PRG3: variants seen among roughly 807,000 people sequenced by gnomAD.
The protein encoded by PRG3 is proteoglycan 3, pro eosinophil major basic protein 2.
PRG3 carries 25 observed loss-of-function variants against 26.1 expected under a neutral mutation model. The ratio of observed to expected loss-of-function variants is 0.96; its 90% CI spans 0.70 to 1.34. PRG3 has a LOEUF of 1.34. Among genes scored for constraint, PRG3 ranks in the 40% most tolerant of loss-of-function variants. The probability of loss-of-function intolerance (pLI) is 0.00; values close to 1 mark genes in which losing one functional copy is unlikely to be tolerated. For missense variants in PRG3, 280 were observed against 264.8 expected, an observed-to-expected ratio of 1.06 and a Z score of -0.40; for synonymous variants, 111 against 100.4, an observed-to-expected ratio of 1.11 and a Z score of -0.63.
chr11:57,378,756 G>A lies in PRG3; in HGVS notation c.432C>T (p.Phe144=). 1 of 1,613,812 alleles carries A rather than the reference G, an allele frequency of 6.2e-7. No homozygotes were observed. Among genetic ancestry groups the A allele is most frequent in the Non-Finnish European group, 8.5e-7 (1 of 1,179,916 alleles). The part of the protein sequence containing the change: ...GNLVSIHDFN[F]NYRIQCCTST... The stretch of plus-strand genomic sequence containing the variant: ...TAGTGCAGCACTGAATGCGATAGTT[G>A]AAGTTGAAGTCATGGATAGAGACAA... Residue 144 remains phenylalanine (F), a synonymous_variant, in exon 4 of 6, where the codon TTC becomes TTT. Transcript: ENST00000287143.
chr11:57,379,999 C>T (rs1424538861), intron 2 of PRG3, among the ~76,000 whole-genome samples, 192 bp from the exon 3 acceptor site: 1 of 152,162 alleles, frequency 6.6e-6, no homozygotes, highest in African/African-American at 2.4e-5. Context: ...GACTTCTGGC[C>T]GACACCACGA....
In PRG3 at chr11:57,378,177, C is replaced by T. The variant is rs562213436; in HGVS notation, c.508-341G>A. 2.0e-5 allele frequency among the ~76,000 whole-genome samples: 3 copies of T among 152,260 alleles called. No individual in the cohort carries two copies. In the South Asian group the frequency reaches 6.2e-4, roughly 32 times the overall value. ...CTGATCTATGGACCATACTGCTGATCTATGGACCGTACCAAATATAATGCC... is the reference window on the plus strand; with the variant it reads ...CTGATCTATGGACCATACTGCTGATTTATGGACCGTACCAAATATAATGCC... On this transcript the variant is annotated intron_variant, in intron 4 of 5. Transcript: ENST00000287143.
chr11:57,378,668 G>A lies in PRG3; in HGVS notation c.507+13C>T. On this transcript the variant is annotated intron_variant, in intron 4 of 5. Coordinates refer to ENST00000287143, the MANE Select transcript of PRG3 (RefSeq NM_006093.4). ...AAGAACTTACTGCACCCAAGATTTG[G>A]CCCCTGACTTACCCAGCCCCTGAGG... 6.2e-7 allele frequency: 1 copy of A among 1,611,542 alleles called. No homozygotes were observed. The highest frequency in any genetic ancestry group is 1.1e-5 in the South Asian group (1 of 90,916).
intron 3 of PRG3, 116 bp downstream of exon 3, chr11:57,379,378 G>A (rs1207656123): frequency 9.3e-7 from 1 of 1,072,360 alleles, no homozygotes; most frequent in Non-Finnish European, 1.3e-6. Flanking sequence ...ACAACTCCAG[G>A]TGATTCTGAT....
At chr11:57,378,891 C>A in intron 3 of PRG3, 79 bp from the exon 4 acceptor site, 1 of 1,564,098 alleles carries the variant, frequency 6.4e-7, no homozygotes, top group South Asian at 1.1e-5. Flanking sequence ...CCCGGCATCC[C>A]TTTTCAGGTT....
chr11:57,380,242 A>C (rs1856985347), intron 2 of PRG3, among the ~76,000 whole-genome samples: 1 of 152,150 alleles, frequency 6.6e-6, no homozygotes, highest in South Asian at 2.1e-4. Flanking sequence ...TCTACTAAAA[A>C]TACAAAGATT....
intron 1 of PRG3, 129 bp from the exon 2 acceptor site, chr11:57,380,910 C>T (rs1856995160): frequency 4.5e-6 from 2 of 442,918 alleles, no homozygotes; most frequent in East Asian, 4.3e-5. Context: ...GGAGGGATAA[C>T]TCAGGTACCA....
At chr11:57,378,454 T>C (rs1020007176) in intron 4 of PRG3, among the ~76,000 whole-genome samples, 4 of 150,854 alleles carry the variant, frequency 2.7e-5, no homozygotes, top group African/African-American at 9.7e-5. Context: ...GTGTAAATAC[T>C]CCCACCATGG....
At chr11:57,379,462 A>G (rs761897593) in intron 3 of PRG3, 32 bp downstream of exon 3, 13 of 1,550,786 alleles carry the variant, frequency 8.4e-6, no homozygotes, top group Non-Finnish European at 1.1e-5. Flanking sequence ...CTTTTCCCCC[A>G]GGTCCTCCGC....
rs773570620 is a variant in PRG3 at position 57,378,671 on chromosome 11, C to A, written c.507+10G>T. 5.0e-6 allele frequency: 8 copies of A among 1,611,804 alleles called. No homozygotes were observed. Among genetic ancestry groups the A allele is most frequent in the Non-Finnish European group, 6.8e-6 (8 of 1,178,360 alleles). On this transcript the variant is annotated intron_variant, in intron 4 of 5. Coordinates refer to ENST00000287143, the MANE Select transcript of PRG3 (RefSeq NM_006093.4). ...AACTTACTGCACCCAAGATTTGGCC[C>A]CTGACTTACCCAGCCCCTGAGGTTG...
chr11:57,380,228 C>T (rs1425568675), intron 2 of PRG3, among the ~76,000 whole-genome samples: 1 of 152,010 alleles, frequency 6.6e-6, no homozygotes, highest in Non-Finnish European at 1.5e-5. Context: ...GGTGAAACCC[C>T]ATCTCTACTA....
intron 4 of PRG3, 21 bp from the exon 5 acceptor site, chr11:57,377,857 G>A: frequency 1.3e-6 from 2 of 1,592,004 alleles, no homozygotes; most frequent in Non-Finnish European, 1.7e-6. Flanking sequence ...GACAGGCTAG[G>A]TCAGAGGGCA....
At chr11:57,380,275 C>T (rs2134464811) in intron 2 of PRG3, among the ~76,000 whole-genome samples, 1 of 152,262 alleles carries the variant, frequency 6.6e-6, no homozygotes, top group South Asian at 2.1e-4. Flanking sequence ...TGGCATGTGC[C>T]TGTAGTCCCA....
At chr11:57,377,622 G>A in intron 5 of PRG3, 103 bp downstream of exon 5, 1 of 929,746 alleles carries the variant, frequency 1.1e-6, no homozygotes, top group Non-Finnish European at 1.6e-6. Flanking sequence ...CAGTCAGCGG[G>A]AGGGTCTGAG....
At position 57,380,732 on chromosome 11, in the gene PRG3, A is replaced by G. The variant is rs369560572; in HGVS notation, c.-24T>C. On this transcript the variant is annotated 5_prime_UTR_variant, in exon 2 of 6. Transcript: ENST00000287143. ...ATATCTACTGTCTTTTAGCGAGGAC[A>G]CTACTCCACCGTCCTTCTTGGGGCT... is the stretch of plus-strand genomic sequence containing the variant. The G allele has an allele frequency of 6.9e-5, 104 of 1,496,990 alleles. No homozygotes were observed. The highest frequency in any genetic ancestry group is 2.5e-4 in the East Asian group (10 of 39,596). The allele number at this position is 1,496,990 out of a possible 1,614,324, so 92.7% of individuals were successfully genotyped here.
chr11:57,378,617 T>C, intron 4 of PRG3, 64 bp downstream of exon 4: 1 of 1,583,920 alleles, frequency 6.3e-7, no homozygotes, highest in Non-Finnish European at 8.6e-7. Context: ...CTTGGCACCA[T>C]CAGATGCTAC....
intron 3 of PRG3, 98 bp from the exon 4 acceptor site, chr11:57,378,910 A>G: frequency 7.0e-7 from 1 of 1,428,022 alleles, no homozygotes; most frequent in South Asian, 1.2e-5. Context: ...TTAAAAATAA[A>G]CCTACTTGCC....
rs1234253456 is a variant in PRG3, at chr11:57,380,671, C to G, written c.38G>C (p.Gly13Ala). 6.3e-7 allele frequency: 1 copy of G among 1,578,844 alleles called. No individual in the cohort carries two copies. The highest frequency in any genetic ancestry group is 8.6e-7 in the Non-Finnish European group (1 of 1,167,108). Reference sequence around the variant, plus strand: ...ACCCAGATGAAGAGCAGAAACTGTTCCCAGCAGGAGAAAGGGCAGGAGCAA... The same window carrying G: ...ACCCAGATGAAGAGCAGAAACTGTTGCCAGCAGGAGAAAGGGCAGGAGCAA... ...CLLLLPFLLL[G>A]TVSALHLEND... is the part of the protein sequence containing the mutation. Residue 13 changes from glycine to alanine, a missense_variant, in exon 2 of 6, where the codon GGA (glycine) becomes GCA (alanine). Physicochemically the swap from Gly to Ala is moderately conservative, Grantham distance 60. Coordinates refer to ENST00000287143, the MANE Select transcript of PRG3 (RefSeq NM_006093.4).
At position 57,376,896 on chromosome 11, in the gene PRG3, C is replaced by G; in HGVS notation, c.632G>C (p.Arg211Pro). 1 of 1,612,382 alleles carries G rather than the reference C, an allele frequency of 6.2e-7. No individual in the cohort carries two copies. Among genetic ancestry groups the G allele is most frequent in the Middle Eastern group, 1.7e-4 (1 of 5,908 alleles). Reference sequence around the variant, plus strand: ...CAGTTGCTTGTCGCATTGAGCTCGTCGCCAATAACCTCCTAGCAGCACAGA... The same window carrying G: ...CAGTTGCTTGTCGCATTGAGCTCGTGGCCAATAACCTCCTAGCAGCACAGA... Reference protein sequence around the residue: ...VALCTKGGYWRRAQCDKQLPF... With the variant: ...VALCTKGGYWPRAQCDKQLPF... Residue 211 changes from arginine (R) to proline (P), a missense_variant, in exon 6 of 6, where the codon CGA becomes CCA. Transcript: ENST00000287143.
Sources: gnomAD v4.1 joint callset for allele counts (sites outside exome capture counted in the v4.1 genomes callset) on GRCh38, gnomAD v4.1.1 for gene constraint, MANE v1.5 for transcripts, NCBI Gene and HGNC (gene_info 2026-07-23, HGNC 2026-07-21) for gene names.